Variants in SNX29 observed in about 807,000 individuals in gnomAD.
The protein encoded by SNX29 is sorting nexin 29, also known as sorting nexin-29.
Under a neutral mutation model 102.1 loss-of-function variants are expected in SNX29, and 78 were observed. The ratio of observed to expected loss-of-function variants is 0.76; its 90% confidence interval spans 0.64 to 0.92. The LOEUF is 0.92. Among genes scored for constraint, SNX29 ranks in the 40% least tolerant of loss-of-function variants. SNX29 has a pLI of 0.00. For synonymous variants in SNX29, 580 were observed against 414.5 expected (o/e 1.40, Z -4.85); for missense variants, 1,280 against 1,061.7 (o/e 1.21, Z -2.86).
chr16:12,230,116 G>A (rs763941332), intron 14 of SNX29, among the ~76,000 whole-genome samples: 9 of 152,170 alleles, frequency 5.9e-5, no homozygotes, highest in South Asian at 2.1e-4. Flanking sequence ...CAGGGCCATA[G>A]TTTGTACACG....
intron 14 of SNX29, among the ~76,000 whole-genome samples, chr16:12,254,559 T>C (rs1013656576): frequency 6.6e-6 from 1 of 151,884 alleles, no homozygotes; most frequent in African/African-American, 2.4e-5. Context: ...GAGAATCGCT[T>C]GAACCCGGGA....
Position 12,524,840 on chromosome 16 carries a change from G to T in SNX29, c.2317G>T (p.Val773Phe). 6.2e-7 allele frequency: 1 copy of T among 1,613,056 alleles called. No homozygotes were observed. Among genetic ancestry groups the T allele is most frequent in the Non-Finnish European group, 8.5e-7 (1 of 1,179,488 alleles). Residue 773 changes from valine (V) to phenylalanine (F), a missense_variant and splice_region_variant, in exon 20 of 21, where the codon GTC becomes TTC. Coordinates refer to ENST00000566228, the MANE Select transcript of SNX29 (RefSeq NM_032167.5). ...CCTCATCCAGCTGATGCCCTTCTTC[G>T]TGTAAGTACTGCTCCCACGGACATG... ...ETLIQLMPFF[V>F]DITPPGEPVN... is the part of the protein sequence containing the mutation.
intron 15 of SNX29, among the ~76,000 whole-genome samples, chr16:12,282,138 G>A (rs1048576485): frequency 2.1e-5 from 3 of 145,352 alleles, no homozygotes; most frequent in Non-Finnish European, 4.5e-5. Flanking sequence ...CCTCACAGTT[G>A]AGCACCAGAG....
At chr16:12,561,742 G>A (rs898700649) in intron 20 of SNX29, among the ~76,000 whole-genome samples, 1 of 152,162 alleles carries the variant, frequency 6.6e-6, no homozygotes, top group Admixed American at 6.5e-5. Context: ...GGAGGATGGA[G>A]ATGGAGTTTC....
In SNX29 at chr16:12,075,597, C is replaced by A. The variant is rs200107668; in HGVS notation, c.1320-3236C>A. 4.6e-5 allele frequency among the ~76,000 whole-genome samples: 7 copies of A among 152,350 alleles called. No homozygotes were observed. In the East Asian group the frequency reaches 1.2e-3, roughly 25 times the overall value. On this transcript the variant is annotated intron_variant, in intron 10 of 20. Coordinates refer to ENST00000566228, the MANE Select transcript of SNX29 (RefSeq NM_032167.5). ...TACTGGGGGATGCCTCCGAGTTAGG[C>A]TGCTCAGGGGTCAGGGGTCAGGGAC...
chr16:12,353,603 C>G (rs566133660), intron 15 of SNX29, among the ~76,000 whole-genome samples: 1 of 152,348 alleles, frequency 6.6e-6, no homozygotes, highest in African/African-American at 2.4e-5. Context: ...CTCCTCCCTG[C>G]CAGCCTCTGG....
chr16:12,571,593 A>C lies in SNX29; in HGVS notation c.*2964A>C, dbSNP rs542877588. The stretch of plus-strand genomic sequence containing the variant: ...CTGTCTTCATGGCCTGCTGTGCTGA[A>C]ACAGAACAGCAGGTTCCATCTTTCA... On this transcript the variant is annotated 3_prime_UTR_variant, in exon 21 of 21. Coordinates refer to ENST00000566228, the MANE Select transcript of SNX29 (RefSeq NM_032167.5). 2 of 1,056,562 alleles carry C rather than the reference A, an allele frequency of 1.9e-6. No homozygotes were observed. Among genetic ancestry groups the C allele is most frequent in the Non-Finnish European group, 2.3e-6 (2 of 872,488 alleles). 65.4% of individuals were successfully genotyped at this position (1,056,562 alleles called of 1,614,324 possible).
intron 4 of SNX29, among the ~76,000 whole-genome samples, chr16:12,036,956 T>C (rs1487160690): frequency 6.6e-6 from 1 of 151,946 alleles, no homozygotes; most frequent in African/African-American, 2.4e-5. Flanking sequence ...ATTAAGGGGG[T>C]CTGCCTTCTC....
At chr16:12,255,792 G>T (rs1286120806) in intron 14 of SNX29, among the ~76,000 whole-genome samples, 1 of 152,182 alleles carries the variant, frequency 6.6e-6, no homozygotes, top group Non-Finnish European at 1.5e-5. Flanking sequence ...GACACAGGTT[G>T]ATTCTGTATC....
At chr16:12,115,485 T>TGTGTGTGTGTG (rs2053658092) in intron 11 of SNX29, among the ~76,000 whole-genome samples, 3 of 141,858 alleles carry the variant, frequency 2.1e-5, no homozygotes, top group African/African-American at 8.0e-5. Context: ...CCACCTTGAT[T>TGTGTGTGTGTG]TGTGTGTGTG....
At chr16:12,439,659 C>G (rs972418086) in intron 18 of SNX29, among the ~76,000 whole-genome samples, 2 of 152,132 alleles carry the variant, frequency 1.3e-5, no homozygotes, top group Admixed American at 6.5e-5. Flanking sequence ...CACTGGGTCC[C>G]TCCCACAACA....
intron 20 of SNX29, among the ~76,000 whole-genome samples, chr16:12,534,484 T>G (rs1394692557): frequency 2.0e-5 from 3 of 152,162 alleles, no homozygotes; most frequent in Admixed American, 1.3e-4. Context: ...GTTTTCGGGG[T>G]TTGTTTTGCT....
Position 12,367,945 on chromosome 16 carries a change from T to G in SNX29, c.1899+11666T>G, listed in dbSNP as rs140475838. Among the ~76,000 whole-genome samples the G allele has an allele frequency of 7.5e-3, 1,139 of 152,380 alleles. 18 individuals carry two copies. Among genetic ancestry groups the G allele is most frequent in the African/African-American group, 0.025 (1,037 of 41,596 alleles). ...TGGAAAGATGCTTGTGGAACCCACT[T>G]TAAACCTCTAGATCGAGAGAAGAAA... On this transcript the variant is annotated intron_variant, in intron 16 of 20. Coordinates refer to ENST00000566228, the MANE Select transcript of SNX29 (RefSeq NM_032167.5).
intron 15 of SNX29, among the ~76,000 whole-genome samples, chr16:12,296,252 G>T (rs1163350585): frequency 1.3e-5 from 2 of 152,210 alleles, no homozygotes; most frequent in Non-Finnish European, 2.9e-5. Flanking sequence ...GTGATGGCAT[G>T]TATTTTAAAG....
chr16:12,047,443 T>G (rs1488899083), intron 6 of SNX29, among the ~76,000 whole-genome samples: 2 of 152,174 alleles, frequency 1.3e-5, no homozygotes, highest in African/African-American at 4.8e-5. Context: ...CATAATTTCC[T>G]TTGTAGATCA....
intron 20 of SNX29, among the ~76,000 whole-genome samples, chr16:12,562,968 G>A (rs1268988275): frequency 1.4e-5 from 2 of 142,846 alleles, no homozygotes; most frequent in Non-Finnish European, 1.5e-5. Flanking sequence ...CCAACACAAG[G>A]GGTGAGGGCT....
intron 13 of SNX29, among the ~76,000 whole-genome samples, chr16:12,166,677 C>T (rs528602301): frequency 3.9e-4 from 60 of 152,262 alleles, no homozygotes; most frequent in African/African-American, 1.3e-3. Context: ...CCAAAGATCC[C>T]GTGTACCCAC....
intron 15 of SNX29, among the ~76,000 whole-genome samples, chr16:12,344,850 C>T (rs868426005): frequency 8.5e-5 from 13 of 152,344 alleles, no homozygotes; most frequent in African/African-American, 2.6e-4. Context: ...CCGTCCTCTG[C>T]AAGCCAGCCT....
chr16:12,266,402 G>A (rs1446591941), intron 14 of SNX29, among the ~76,000 whole-genome samples: 2 of 152,072 alleles, frequency 1.3e-5, no homozygotes, highest in Non-Finnish European at 2.9e-5. Flanking sequence ...CCCCTATTGC[G>A]GATTTCAGTT....
Sources: allele counts gnomAD v4.1 joint callset (sites outside exome capture counted in the v4.1 genomes callset), GRCh38; gene constraint gnomAD v4.1.1; transcripts MANE v1.5; gene names NCBI Gene and HGNC (gene_info 2026-07-23, HGNC 2026-07-21).